ASTN1: variants seen among roughly 807,000 people sequenced by gnomAD.
ASTN1 encodes astrotactin 1, also known as astrotactin-1.
ASTN1 carries 41 observed loss-of-function variants against 140.7 expected under a neutral mutation model. That is an observed-to-expected ratio of 0.29 (90% CI 0.23 to 0.38). The LOEUF is 0.38. Among genes scored for constraint, ASTN1 ranks in the 10% least tolerant of loss-of-function variants. ASTN1 has a pLI of 1.00. For synonymous variants in ASTN1, 640 were observed against 652.2 expected (o/e 0.98, Z 0.29); for missense variants, 1,479 against 1,678.8 (o/e 0.88, Z 2.08).
At position 176,958,389 on chromosome 1, in the gene ASTN1, C is replaced by G; in HGVS notation, c.1692G>C (p.Lys564Asn). The G allele has an allele frequency of 1.2e-6, 2 of 1,614,130 alleles. No individual in the cohort carries two copies. Among genetic ancestry groups the G allele is most frequent in the Non-Finnish European group, 1.7e-6 (2 of 1,179,986 alleles). The change falls in exon 10 of 23, where the codon AAG (lysine) becomes AAC (asparagine). Residue 564 changes from lysine to asparagine, a missense_variant. Lys to Asn is a moderately conservative substitution (Grantham distance 94). Around this residue, in one of 3 missense-constraint regions of ASTN1, gnomAD observed 729 missense variants for 860.4 expected, o/e 0.85. Coordinates refer to ENST00000361833, the MANE Select transcript of ASTN1 (RefSeq NM_004319.3). Reference protein sequence around the residue: ...PAELAINPSAKCKTDMTVMED... With the variant: ...PAELAINPSANCKTDMTVMED... ...CCATCACAGTCATGTCCGTCTTGCA[C>G]TTTGCTGATGGATTGATGGCCAGTT...
intron 1 of ASTN1, among the ~76,000 whole-genome samples, chr1:177,096,444 G>A (rs563637805): frequency 6.6e-6 from 1 of 152,232 alleles, no homozygotes; most frequent in South Asian, 2.1e-4. Context: ...AGGAGTTGGG[G>A]TCTTTGGAAG....
At chr1:177,163,569 C>A (rs906634016) in intron 1 of ASTN1, among the ~76,000 whole-genome samples, 5 of 152,000 alleles carry the variant, frequency 3.3e-5, no homozygotes, top group Non-Finnish European at 5.9e-5. Context: ...AGTGGGAGTA[C>A]CAAAAAGAGA....
intron 2 of ASTN1, among the ~76,000 whole-genome samples, chr1:177,052,625 T>C (rs1677595294): frequency 6.6e-6 from 1 of 152,170 alleles, no homozygotes; most frequent in Admixed American, 6.5e-5. Flanking sequence ...ATGACCAGCA[T>C]CTTCTCAGAG....
chr1:176,987,760 G>A (rs984003347), intron 8 of ASTN1, among the ~76,000 whole-genome samples: 2 of 152,122 alleles, frequency 1.3e-5, no homozygotes, highest in African/African-American at 2.4e-5. Context: ...TGTGCCTAAT[G>A]GCAGTGAGAG....
At position 176,955,724 on chromosome 1, in the gene ASTN1, A is replaced by C. The variant is rs565571234; in HGVS notation, c.1887+1954T>G. The stretch of plus-strand genomic sequence containing the variant: ...GTGCCAAGTAAAAGGGGCTAGGATC[A>C]CCAACAGAAGGCATCTGACAGGCAG... On this transcript the variant is annotated intron_variant, in intron 11 of 22. Coordinates refer to ENST00000361833, the MANE Select transcript of ASTN1 (RefSeq NM_004319.3). 3.9e-5 allele frequency among the ~76,000 whole-genome samples: 6 copies of C among 152,346 alleles called. No homozygotes were observed. In the East Asian group the frequency reaches 1.2e-3, roughly 29 times the overall value.
intron 6 of ASTN1, 36 bp downstream of exon 6, chr1:177,024,547 G>C (rs760354251): frequency 7.5e-6 from 12 of 1,600,826 alleles, no homozygotes; most frequent in African/African-American, 4.0e-5. Context: ...TTCCTTTTTG[G>C]GGGGCAAGGT....
rs746195703 is a variant in ASTN1, at chr1:176,876,603, G to A, written c.3397C>T (p.Arg1133Cys). 3.8e-5 allele frequency: 62 copies of A among 1,614,004 alleles called. No individual in the cohort carries two copies. Among genetic ancestry groups the A allele is most frequent in the Non-Finnish European group, 4.9e-5 (58 of 1,180,036 alleles). The change falls in exon 21 of 23, where the codon CGC becomes TGC. Residue 1133 changes from arginine to cysteine, a missense_variant. This residue lies in a region of ASTN1 where 746 missense variants were observed against 800.9 expected (regional missense o/e 0.93). Coordinates refer to ENST00000361833, the MANE Select transcript of ASTN1 (RefSeq NM_004319.3). ...TLWGVDNTGR[R>C]SRPSDVIVKT... ...ACGATCACGTCGCTTGGCCTGGAGC[G>A]CCGTCCTGTGTTGTCCACTCCCCAC...
At chr1:176,995,452 A>G (rs1432223661) in intron 8 of ASTN1, among the ~76,000 whole-genome samples, 1 of 152,222 alleles carries the variant, frequency 6.6e-6, no homozygotes, top group African/African-American at 2.4e-5. Context: ...AAGTAATCAG[A>G]TAAGCCTGGG....
chr1:177,053,380 A>G (rs1334331494), intron 2 of ASTN1, among the ~76,000 whole-genome samples: 2 of 152,234 alleles, frequency 1.3e-5, no homozygotes, highest in Non-Finnish European at 2.9e-5. Context: ...ACTTCAGGAA[A>G]GAGAAAAACA....
chr1:177,023,602 T>C (rs778061042), intron 6 of ASTN1, 31 bp from the exon 7 acceptor site: 20 of 1,546,930 alleles, frequency 1.3e-5, no homozygotes, highest in Non-Finnish European at 1.6e-5. Flanking sequence ...AGCATGCCTA[T>C]ATGTGCAACA....
intron 16 of ASTN1, among the ~76,000 whole-genome samples, chr1:176,919,922 G>A (rs1357835451): frequency 6.6e-6 from 1 of 152,176 alleles, no homozygotes; most frequent in Non-Finnish European, 1.5e-5. Flanking sequence ...GGTTTCCCCT[G>A]GTACTGGCTC....
chr1:176,952,983 G>A (rs1352971787), intron 11 of ASTN1, among the ~76,000 whole-genome samples: 1 of 152,166 alleles, frequency 6.6e-6, no homozygotes, highest in African/African-American at 2.4e-5. Context: ...TAACAAAAAG[G>A]TTGAGCAAAT....
At chr1:177,069,391 G>A (rs1411972387) in intron 1 of ASTN1, among the ~76,000 whole-genome samples, 1 of 152,134 alleles carries the variant, frequency 6.6e-6, no homozygotes, top group Non-Finnish European at 1.5e-5. Flanking sequence ...TTTGCCGAAA[G>A]GCTAGGATGG....
At chr1:177,140,454 T>C (rs189978309) in intron 1 of ASTN1, among the ~76,000 whole-genome samples, 1 of 152,344 alleles carries the variant, frequency 6.6e-6, no homozygotes, top group Admixed American at 6.5e-5. Context: ...GTGACCCAAT[T>C]TACCACTTTA....
intron 2 of ASTN1, among the ~76,000 whole-genome samples, chr1:177,053,701 A>C (rs1677653351): frequency 6.6e-6 from 1 of 152,226 alleles, no homozygotes; most frequent in Non-Finnish European, 1.5e-5. Flanking sequence ...GCAAAAATGC[A>C]AAAGTTTGTA....
intron 17 of ASTN1, 22 bp from the exon 18 acceptor site, chr1:176,888,226 AGATT>A: frequency 6.2e-7 from 1 of 1,613,150 alleles, no homozygotes; most frequent in African/African-American, 1.3e-5. Context: ...AACAGGGAAA[AGATT>A]GAGTGTTGAG....
chr1:177,064,475 GTCT>G (rs1678251871), intron 1 of ASTN1, among the ~76,000 whole-genome samples: 1 of 152,178 alleles, frequency 6.6e-6, no homozygotes, highest in Non-Finnish European at 1.5e-5. Context: ...GAGGAAGAAG[GTCT>G]TCTGCTCCAG....
At chr1:177,074,055 T>C (rs6675257) in intron 1 of ASTN1, among the ~76,000 whole-genome samples, 69,150 of 151,904 alleles carry the variant, frequency 0.46, 17,195 homozygotes, top group Non-Finnish European at 0.57. Context: ...TTTTTAGCCA[T>C]GACTTCATGT....
intron 16 of ASTN1, among the ~76,000 whole-genome samples, chr1:176,910,660 C>A (rs1014146964): frequency 1.3e-5 from 2 of 152,108 alleles, no homozygotes; most frequent in South Asian, 2.1e-4. Context: ...TTCACACAAA[C>A]CTAGATGGTA....
Sources: allele counts gnomAD v4.1 joint callset (sites outside exome capture counted in the v4.1 genomes callset), GRCh38; gene constraint gnomAD v4.1.1; regional missense constraint gnomAD v4.1.1; transcripts MANE v1.5; gene names NCBI Gene and HGNC (gene_info 2026-07-23, HGNC 2026-07-21).